Variants in CSMD2 observed in about 807,000 individuals in gnomAD.
CSMD2 encodes the protein CUB and Sushi multiple domains 2.
In CSMD2, 130 loss-of-function variants were observed where a neutral mutation model predicts 398.5. The ratio of observed to expected loss-of-function variants is 0.33; its 90% CI spans 0.28 to 0.38. The LOEUF (loss-of-function observed/expected upper bound fraction) is 0.38. CSMD2 is among the 10% of genes least tolerant of loss of function. The pLI is 1.00. For missense variants in CSMD2, 3,829 were observed against 4,764.9 expected, an observed-to-expected ratio of 0.80 and a Z score of 5.78; for synonymous variants, 1,828 against 1,908.5, an observed-to-expected ratio of 0.96 and a Z score of 1.10.
At chr1:33,669,855 T>G (rs775689397) in intron 25 of CSMD2, among the ~76,000 whole-genome samples, 1 of 152,130 alleles carries the variant, frequency 6.6e-6, no homozygotes, top group Non-Finnish European at 1.5e-5. Context: ...GACCATGTGA[T>G]GGAGGCACAG....
At chr1:33,751,929 T>C (rs1648309458) in intron 13 of CSMD2, among the ~76,000 whole-genome samples, 1 of 152,128 alleles carries the variant, frequency 6.6e-6, no homozygotes, top group African/African-American at 2.4e-5. Context: ...CCAGCCAAGT[T>C]GGGTGTTTTT....
intron 5 of CSMD2, among the ~76,000 whole-genome samples, chr1:33,888,495 G>A (rs940420173): frequency 3.3e-5 from 5 of 152,020 alleles, no homozygotes; most frequent in African/African-American, 1.2e-4. Context: ...ATGATGAAAG[G>A]ACTATTTCAA....
At chr1:34,165,317 G>A (rs1641788112), upstream of CSMD2, 25 of 1,198,066 alleles carry the variant, frequency 2.1e-5, no homozygotes, top group East Asian at 9.0e-4. Context: ...GTTCGCGCCG[G>A]GGGGCGGGAG....
intron 29 of CSMD2, among the ~76,000 whole-genome samples, chr1:33,638,892 C>T (rs1642956401): frequency 6.6e-6 from 1 of 152,178 alleles, no homozygotes; most frequent in South Asian, 2.1e-4. Context: ...CTATATTGAC[C>T]TTATTTTTTT....
At chr1:33,923,036 TCA>T (rs1341408678) in intron 4 of CSMD2, among the ~76,000 whole-genome samples, 1 of 152,248 alleles carries the variant, frequency 6.6e-6, no homozygotes, top group Non-Finnish European at 1.5e-5. Context: ...ATCAATCAAC[TCA>T]CATACTTTTT....
chr1:33,823,562 A>T (rs1658422833), intron 7 of CSMD2, among the ~76,000 whole-genome samples: 1 of 152,062 alleles, frequency 6.6e-6, no homozygotes. Flanking sequence ...TCAGGAAGGC[A>T]CCACCTTCTA....
At chr1:33,889,975 T>G (rs1641878384) in intron 5 of CSMD2, among the ~76,000 whole-genome samples, 1 of 151,878 alleles carries the variant, frequency 6.6e-6, no homozygotes, top group African/African-American at 2.4e-5. Context: ...GGGTATATAC[T>G]TAAACACATA....
intron 19 of CSMD2, among the ~76,000 whole-genome samples, 187 bp downstream of exon 19, chr1:33,724,010 T>TA (rs1180513208): frequency 6.6e-6 from 1 of 152,094 alleles, no homozygotes; most frequent in African/African-American, 2.4e-5. Context: ...CAACAATACT[T>TA]ATTGAACAAG....
intron 15 of CSMD2, among the ~76,000 whole-genome samples, chr1:33,729,728 T>G (rs1026043000): frequency 6.6e-6 from 1 of 151,978 alleles, no homozygotes; most frequent in Admixed American, 6.6e-5. Context: ...TTGACCTCAC[T>G]CTTAAACATA....
At position 33,804,965 on chromosome 1, in the gene CSMD2, G is replaced by T. The variant is rs11587828; in HGVS notation, c.1446+5778C>A. On this transcript the variant is annotated intron_variant, in intron 10 of 70. Coordinates refer to ENST00000373381, the MANE Select transcript of CSMD2 (RefSeq NM_001281956.2). Reference sequence around the variant, plus strand: ...TCAGCACTACCTGAAGCCCACCAAGGCCCCACAGAGATATTAGAAACACTG... The same window carrying T: ...TCAGCACTACCTGAAGCCCACCAAGTCCCCACAGAGATATTAGAAACACTG... The T allele has an allele frequency of 3.3e-3, 2,352 of 706,372 alleles. 12 individuals carry two copies. Among genetic ancestry groups the T allele is most frequent in the Non-Finnish European group, 5.5e-3 (2,107 of 380,044 alleles). 43.8% of individuals were successfully genotyped at this position (706,372 alleles called of 1,614,324 possible). A position where few individuals can be genotyped will look rare whatever the true frequency, so the allele number is the denominator to read the frequency against.
chr1:34,130,629 GA>G, intron 1 of CSMD2, among the ~76,000 whole-genome samples: 1 of 152,200 alleles, frequency 6.6e-6, no homozygotes, highest in Admixed American at 6.5e-5. Context: ...CCACAGGTGA[GA>G]ACAGGGGAAG....
chr1:33,998,965 G>A (rs1646811565), intron 3 of CSMD2, among the ~76,000 whole-genome samples: 1 of 152,146 alleles, frequency 6.6e-6, no homozygotes, highest in African/African-American at 2.4e-5. Context: ...AAACAGCCCA[G>A]GCTCCCGGAT....
intron 5 of CSMD2, chr1:33,882,025 T>C (rs1332537482): frequency 6.6e-6 from 1 of 152,184 alleles, no homozygotes; most frequent in Non-Finnish European, 1.5e-5. Context: ...CTTGCACATA[T>C]CATTTTGCAC....
chr1:33,867,863 C>T (rs1446298154), intron 5 of CSMD2, among the ~76,000 whole-genome samples: 1 of 152,120 alleles, frequency 6.6e-6, no homozygotes, highest in Admixed American at 6.5e-5. Flanking sequence ...GAAGAGGGCC[C>T]CCACACAGCT....
chr1:33,525,926 C>T lies in CSMD2; in HGVS notation c.10235-883G>A, dbSNP rs779392874. ...CTCGAACTCCTGACCTCAGGTGATC[C>T]GCCCACCTTGGCCTCCCAAAGCGCT... On this transcript the variant is annotated intron_variant, in intron 65 of 70. Transcript: ENST00000373381. Among the ~76,000 whole-genome samples the T allele has an allele frequency of 1.6e-4, 24 of 152,222 alleles. No homozygotes were observed. The East Asian group carries it at 1.7e-3, about 11-fold the overall frequency.
chr1:33,598,062 TA>T (rs1639956195), intron 44 of CSMD2, among the ~76,000 whole-genome samples: 1 of 152,058 alleles, frequency 6.6e-6, no homozygotes, highest in Non-Finnish European at 1.5e-5. Context: ...TGGAGTAAAA[TA>T]AAAAGAAAAG....
chr1:33,595,643 C>G (rs975191478), intron 44 of CSMD2, among the ~76,000 whole-genome samples: 1 of 152,162 alleles, frequency 6.6e-6, no homozygotes, highest in African/African-American at 2.4e-5. Context: ...CAAATTATCC[C>G]CAATATGGTC....
chr1:34,011,488 T>C (rs1228471860), intron 3 of CSMD2, among the ~76,000 whole-genome samples: 1 of 152,196 alleles, frequency 6.6e-6, no homozygotes, highest in Admixed American at 6.5e-5. Flanking sequence ...AGTCCATTCT[T>C]TCCCCACCCT....
intron 5 of CSMD2, among the ~76,000 whole-genome samples, chr1:33,865,176 G>A (rs959569199): frequency 2.0e-5 from 3 of 151,592 alleles, no homozygotes; most frequent in African/African-American, 4.8e-5. Context: ...GGAACATGAC[G>A]TCTGACTCTG....
Sources: gnomAD v4.1 joint callset for allele counts (sites outside exome capture counted in the v4.1 genomes callset) on GRCh38, gnomAD v4.1.1 for gene constraint, MANE v1.5 for transcripts, NCBI Gene and HGNC (gene_info 2026-07-23, HGNC 2026-07-21) for gene names.